The following ANKS1B variants were observed in gnomAD, a reference collection of about 807,000 sequenced individuals.
ANKS1B encodes ankyrin repeat and sterile alpha motif domain-containing protein 1B.
Under a neutral mutation model 148.3 loss-of-function variants are expected in ANKS1B, and 36 were observed. The ratio of observed to expected loss-of-function variants is 0.24; its 90% CI spans 0.19 to 0.32. The LOEUF is 0.32. Ranked by LOEUF, ANKS1B falls within the 10% of genes least tolerant of loss-of-function variation. ANKS1B has a pLI of 1.00. For synonymous variants in ANKS1B, 542 were observed against 560.8 expected (o/e 0.97, Z 0.47); for missense variants, 1,157 against 1,542.6 (o/e 0.75, Z 4.19).
chr12:99,659,583 A>C (rs2098466028), intron 8 of ANKS1B, among the ~76,000 whole-genome samples: 1 of 152,064 alleles, frequency 6.6e-6, no homozygotes, highest in South Asian at 2.1e-4. Flanking sequence ...GAGAATAATT[A>C]TATTAGTCTA....
chr12:98,745,906 C>A, intron 26 of ANKS1B, 57 bp from the exon 27 acceptor site: 1 of 1,562,896 alleles, frequency 6.4e-7, no homozygotes, highest in Non-Finnish European at 8.7e-7. Flanking sequence ...TGCGCGCATG[C>A]ACGCGGACGC....
At chr12:98,734,897 AT>A in exon 10 of ANKS1B, 1 of 313,420 alleles carries the variant, frequency 3.2e-6, no homozygotes, top group Non-Finnish European at 5.8e-6. Context: ...ACTGACTGTT[AT>A]AAAGTATAAC....
At chr12:99,970,918 T>C (rs1031464967) in intron 1 of ANKS1B, among the ~76,000 whole-genome samples, 10 of 152,226 alleles carry the variant, frequency 6.6e-5, no homozygotes, top group Admixed American at 2.0e-4. Context: ...TTTTTGCTGA[T>C]AGATCTATCC....
chr12:99,415,748 A>G (rs1402933251), intron 11 of ANKS1B, among the ~76,000 whole-genome samples: 1 of 151,100 alleles, frequency 6.6e-6, no homozygotes, highest in African/African-American at 2.4e-5. Context: ...TAGTGGTGAG[A>G]TCTCGGCTCA....
intron 17 of ANKS1B, among the ~76,000 whole-genome samples, chr12:99,025,393 T>C (rs2099948159): frequency 6.6e-6 from 1 of 152,210 alleles, no homozygotes; most frequent in South Asian, 2.1e-4. Context: ...TTGAGTTCAT[T>C]TGAAAGAATC....
intron 14 of ANKS1B, among the ~76,000 whole-genome samples, chr12:99,243,571 T>C (rs2089747314): frequency 6.6e-6 from 1 of 152,200 alleles, no homozygotes; most frequent in African/African-American, 2.4e-5. Flanking sequence ...TGAAGACACA[T>C]GCACACGTAT....
intron 8 of ANKS1B, among the ~76,000 whole-genome samples, chr12:99,701,371 GCTT>G (rs1166798547): frequency 1.3e-5 from 2 of 152,038 alleles, no homozygotes; most frequent in African/African-American, 4.8e-5. Context: ...TGCTGCTGCT[GCTT>G]TTTTTAAATC....
intron 8 of ANKS1B, among the ~76,000 whole-genome samples, chr12:99,664,629 C>G (rs906040454): frequency 6.6e-6 from 1 of 152,122 alleles, no homozygotes; most frequent in African/African-American, 2.4e-5. Context: ...AATGTACATA[C>G]CTGTGCATTC....
At chr12:99,242,974 T>C (rs10860408) in intron 14 of ANKS1B, among the ~76,000 whole-genome samples, 9,526 of 152,152 alleles carry the variant, frequency 0.063, 587 homozygotes, top group East Asian at 0.23. Flanking sequence ...ATTCAGGACA[T>C]AGGCATGGGC....
chr12:99,395,360 A>T (rs2094209974), intron 12 of ANKS1B, among the ~76,000 whole-genome samples: 1 of 152,110 alleles, frequency 6.6e-6, no homozygotes, highest in Admixed American at 6.6e-5. Context: ...GCCTTACATA[A>T]TCTATCCCTC....
chr12:99,389,256 C>G (rs1312561709), intron 12 of ANKS1B, among the ~76,000 whole-genome samples: 1 of 152,158 alleles, frequency 6.6e-6, no homozygotes, highest in Non-Finnish European at 1.5e-5. Context: ...GTGAAGCCTG[C>G]GTTTGAAGGG....
chr12:98,837,329 T>C (rs2099376243), intron 17 of ANKS1B, among the ~76,000 whole-genome samples: 1 of 145,680 alleles, frequency 6.9e-6, no homozygotes, highest in South Asian at 2.2e-4. Context: ...GGAGCAAGAC[T>C]CTGTCTCAGA....
chr12:99,439,655 G>T (rs142161815), intron 11 of ANKS1B, among the ~76,000 whole-genome samples: 1 of 151,624 alleles, frequency 6.6e-6, no homozygotes, highest in Non-Finnish European at 1.5e-5. Flanking sequence ...TTTAAAAGGC[G>T]AGAATGTGGA....
At chr12:99,044,947 T>A (rs1044150502) in intron 17 of ANKS1B, among the ~76,000 whole-genome samples, 1 of 152,142 alleles carries the variant, frequency 6.6e-6, no homozygotes, top group Admixed American at 6.5e-5. Context: ...TCAAGTGACC[T>A]GATTCCAAGC....
intron 14 of ANKS1B, among the ~76,000 whole-genome samples, chr12:99,183,876 T>C (rs1477908033): frequency 6.6e-6 from 1 of 152,228 alleles, no homozygotes; most frequent in Admixed American, 6.5e-5. Context: ...TGACAATCTA[T>C]GAAGCACATT....
rs950905191 is a variant in ANKS1B, at chr12:99,625,203, A to G, written c.1272+29864T>C. ...AGCGGGAGTTAAATCTTGGGTACAC[A>G]TGAACAAAAACATGGGAACAGCAGA... On this transcript the variant is annotated intron_variant, in intron 9 of 26. Transcript: ENST00000683438. Among the ~76,000 whole-genome samples, 9 of 152,204 alleles carry G rather than the reference A, an allele frequency of 5.9e-5. No individual in the cohort carries two copies. The East Asian group carries it at 1.2e-3, about 20-fold the overall frequency.
At chr12:98,783,163 TC>T (rs1184137428) in intron 22 of ANKS1B, among the ~76,000 whole-genome samples, 1 of 152,266 alleles carries the variant, frequency 6.6e-6, no homozygotes, top group African/African-American at 2.4e-5. Context: ...CAGCTAATAT[TC>T]AGATGAAAAT....
intron 15 of ANKS1B, among the ~76,000 whole-genome samples, chr12:99,122,840 G>A (rs2063231495): frequency 6.6e-6 from 1 of 151,966 alleles, no homozygotes; most frequent in Non-Finnish European, 1.5e-5. Context: ...AAGGTAGAGG[G>A]TTCAAAAGTA....
chr12:99,383,699 CAGT>C (rs1398008466), intron 12 of ANKS1B, among the ~76,000 whole-genome samples: 3 of 152,070 alleles, frequency 2.0e-5, no homozygotes, highest in African/African-American at 4.8e-5. Flanking sequence ...CCTTGCATAA[CAGT>C]CATTAGGATT....
Sources: gnomAD v4.1 joint callset for allele counts (sites outside exome capture counted in the v4.1 genomes callset) on GRCh38, gnomAD v4.1.1 for gene constraint, MANE v1.5 for transcripts, NCBI Gene and HGNC (gene_info 2026-07-23, HGNC 2026-07-21) for gene names.